MRPS31: variants seen among roughly 807,000 people sequenced by gnomAD.
MRPS31 encodes small ribosomal subunit protein mS31.
In MRPS31, 32 loss-of-function variants were observed where a neutral mutation model predicts 43.1. That is an observed-to-expected ratio of 0.74 (90% confidence interval 0.56 to 1.00). MRPS31 has a LOEUF of 1.00. Ranked by LOEUF, MRPS31 falls within the 50% of genes least tolerant of loss-of-function variation. The pLI is 0.00. For synonymous variants in MRPS31, 165 were observed against 161.6 expected, an observed-to-expected ratio of 1.02 and a Z score of -0.16; for missense variants, 437 against 466.7, an observed-to-expected ratio of 0.94 and a Z score of 0.59.
intron 1 of MRPS31, among the ~76,000 whole-genome samples, chr13:40,769,322 G>A (rs2138021391): frequency 7.3e-6 from 1 of 136,194 alleles, no homozygotes; most frequent in Admixed American, 7.7e-5. Flanking sequence ...GTTGCAGTGA[G>A]CCGAGATCAC....
intron 6 of MRPS31, among the ~76,000 whole-genome samples, chr13:40,743,604 T>C (rs577492688): frequency 3.9e-4 from 59 of 152,222 alleles, no homozygotes; most frequent in African/African-American, 1.4e-3. Context: ...TGAAAAATGC[T>C]CATTATCACG....
intron 6 of MRPS31, among the ~76,000 whole-genome samples, chr13:40,740,068 A>G (rs1880037677): frequency 6.6e-6 from 1 of 151,028 alleles, no homozygotes; most frequent in Non-Finnish European, 1.5e-5. Context: ...TCCAGAATCT[A>G]CAATGAACTC....
chr13:40,747,095 T>C (rs1880259791), intron 6 of MRPS31, among the ~76,000 whole-genome samples: 1 of 152,104 alleles, frequency 6.6e-6, no homozygotes, highest in South Asian at 2.1e-4. Context: ...TTCTTTTTTT[T>C]TGAGGCACAG....
intron 6 of MRPS31, among the ~76,000 whole-genome samples, chr13:40,742,976 T>C (rs1880143761): frequency 6.6e-6 from 1 of 151,976 alleles, no homozygotes; most frequent in Non-Finnish European, 1.5e-5. Context: ...GGAAATACCA[T>C]CCTAGACAAC....
intron 6 of MRPS31, among the ~76,000 whole-genome samples, chr13:40,732,659 GC>G (rs1437007008): frequency 6.6e-6 from 1 of 152,014 alleles, no homozygotes; most frequent in East Asian, 1.9e-4. Flanking sequence ...AATCACTTGA[GC>G]CCAGGAGTTT....
intron 2 of MRPS31, among the ~76,000 whole-genome samples, chr13:40,765,002 T>C (rs1329673078): frequency 2.0e-5 from 3 of 152,234 alleles, no homozygotes; most frequent in Non-Finnish European, 4.4e-5. Context: ...GAAGCAATGA[T>C]GACAGTGTCT....
rs560503180 is a variant in MRPS31 at position 40,748,952 on chromosome 13, A to G, written c.958+186T>C. On this transcript the variant is annotated intron_variant, in intron 6 of 6. Transcript: ENST00000323563. ...TTACTTCTTCATTTTTCCTTATCGAATATCTAAAAATAAGTGAAATTCCAA... is the reference window on the plus strand; with the variant it reads ...TTACTTCTTCATTTTTCCTTATCGAGTATCTAAAAATAAGTGAAATTCCAA... 3.9e-5 allele frequency among the ~76,000 whole-genome samples: 6 copies of G among 152,284 alleles called. No homozygotes were observed. In the South Asian group the frequency reaches 1.2e-3, roughly 32 times the overall value.
At chr13:40,759,215 A>G in intron 2 of MRPS31, 109 bp from the exon 3 acceptor site, 1 of 761,268 alleles carries the variant, frequency 1.3e-6, no homozygotes, top group Admixed American at 3.6e-5. Context: ...AGGCAGACAG[A>G]TCACTTGAGT....
intron 4 of MRPS31, among the ~76,000 whole-genome samples, chr13:40,756,051 C>G (rs910420247): frequency 6.6e-6 from 1 of 152,176 alleles, no homozygotes; most frequent in Non-Finnish European, 1.5e-5. Flanking sequence ...CTGCTGACCA[C>G]CTTTTCCAAC....
chr13:40,749,154 T>C lies in MRPS31; in HGVS notation c.942A>G (p.Pro314=). The C allele has an allele frequency of 6.3e-7, 1 of 1,597,858 alleles. No homozygotes were observed. Among genetic ancestry groups the C allele is most frequent in the South Asian group, 1.1e-5 (1 of 87,418 alleles). The part of the protein sequence containing the change: ...WTKEGKLWEF[P]INNEAGFDDD... ...AACACTTACCTGCTTCATTGTTAAT[T>C]GGGAACTCCCATAGTTTCCCCTCTT... Residue 314 remains proline, a synonymous_variant, in exon 6 of 7, where the codon CCA becomes CCG. Coordinates refer to ENST00000323563, the MANE Select transcript of MRPS31 (RefSeq NM_005830.4).
At position 40,749,277 on chromosome 13, in the gene MRPS31, T is replaced by C; in HGVS notation, c.819A>G (p.Thr273=). 1 of 1,572,126 alleles carries C rather than the reference T, an allele frequency of 6.4e-7. No homozygotes were observed. The highest frequency in any genetic ancestry group is 2.3e-5 in the East Asian group (1 of 43,054). Residue 273 remains threonine (T), a synonymous_variant, in exon 6 of 7, where the codon ACA becomes ACG. Transcript: ENST00000323563. ...AVTKEAPETD[T]SPSLWDVEFA... is the part of the protein sequence containing the mutation. ...ATTCCACATCCCAAAGTGAAGGTGATGTGTCTACATAATAAAGACATTTTA... is the reference window on the plus strand; with the variant it reads ...ATTCCACATCCCAAAGTGAAGGTGACGTGTCTACATAATAAAGACATTTTA...
At chr13:40,759,481 AAG>A (rs1880633313) in intron 2 of MRPS31, among the ~76,000 whole-genome samples, 1 of 152,084 alleles carries the variant, frequency 6.6e-6, no homozygotes, top group South Asian at 2.1e-4. Context: ...AAAAACAAAA[AAG>A]AGAGATTGCT....
intron 6 of MRPS31, among the ~76,000 whole-genome samples, chr13:40,736,190 G>A (rs1360123146): frequency 1.3e-5 from 2 of 151,976 alleles, no homozygotes; most frequent in Non-Finnish European, 1.5e-5. Flanking sequence ...AGCAATGGAA[G>A]ATGAAATGAA....
chr13:40,737,098 A>C (rs1366532993), intron 6 of MRPS31, among the ~76,000 whole-genome samples: 4 of 151,870 alleles, frequency 2.6e-5, no homozygotes, highest in East Asian at 1.9e-4. Context: ...TCTACCAAGC[A>C]AATGGAAAAC....
At chr13:40,741,015 A>G (rs1593444066) in intron 6 of MRPS31, among the ~76,000 whole-genome samples, 3 of 151,914 alleles carry the variant, frequency 2.0e-5, no homozygotes, top group Admixed American at 2.0e-4. Flanking sequence ...CCATAGTCAT[A>G]TTAGTGTAAA....
chr13:40,765,423 C>T (rs1880816600), intron 2 of MRPS31, among the ~76,000 whole-genome samples: 3 of 152,082 alleles, frequency 2.0e-5, no homozygotes, highest in South Asian at 4.1e-4. Context: ...TTTCTGTAAT[C>T]GTTAATTCAA....
chr13:40,771,088 G>T lies in MRPS31; in HGVS notation c.49C>A (p.His17Asn). Residue 17 changes from histidine (H) to asparagine (N), a missense_variant, in exon 1 of 7, where the codon CAC (histidine) becomes AAC (asparagine). His to Asn is a moderately conservative substitution (Grantham distance 68). Coordinates refer to ENST00000323563, the MANE Select transcript of MRPS31 (RefSeq NM_005830.4). Reference sequence around the variant, plus strand: ...TCCGGGCTTCCAGAGGACAAAGGGTGGCGGGAAAGGGGGCGAAGAGGTAGG... The same window carrying T: ...TCCGGGCTTCCAGAGGACAAAGGGTTGCGGGAAAGGGGGCGAAGAGGTAGG... ...TFLPLRPLSRHPLSSGSPETS... is the reference protein window; with the variant it reads ...TFLPLRPLSRNPLSSGSPETS... 1 of 1,613,992 alleles carries T rather than the reference G, an allele frequency of 6.2e-7. No individual in the cohort carries two copies. The highest frequency in any genetic ancestry group is 8.5e-7 in the Non-Finnish European group (1 of 1,179,938).
At chr13:40,766,326 T>G (rs759005590) in intron 2 of MRPS31, among the ~76,000 whole-genome samples, 1 of 152,208 alleles carries the variant, frequency 6.6e-6, no homozygotes, top group Non-Finnish European at 1.5e-5. Flanking sequence ...AGAGTCTCGC[T>G]TGATCCCCCA....
intron 6 of MRPS31, among the ~76,000 whole-genome samples, chr13:40,733,005 T>G (rs915765305): frequency 2.1e-5 from 3 of 144,188 alleles, no homozygotes; most frequent in African/African-American, 7.7e-5. Flanking sequence ...TTTTTTTTTT[T>G]TTTTTTTTTT....
Sources: gnomAD v4.1 joint callset for allele counts (sites outside exome capture counted in the v4.1 genomes callset) on GRCh38, gnomAD v4.1.1 for gene constraint, MANE v1.5 for transcripts, NCBI Gene and HGNC (gene_info 2026-07-23, HGNC 2026-07-21) for gene names.